TMEFF1: variants seen among roughly 807,000 people sequenced by gnomAD.
The protein encoded by TMEFF1 is transmembrane protein with EGF like and two follistatin like domains 1.
A neutral mutation model predicts 47.5 loss-of-function variants in TMEFF1; 20 were observed. The ratio of observed to expected loss-of-function variants is 0.42; its 90% CI spans 0.30 to 0.61. The LOEUF is 0.61. Among genes scored for constraint, TMEFF1 ranks in the 20% least tolerant of loss-of-function variants. TMEFF1 has a pLI of 0.19. For missense variants in TMEFF1, 411 were observed against 471.1 expected (o/e 0.87, Z 1.18); for synonymous variants, 162 against 166.3 (o/e 0.97, Z 0.20).
intron 1 of TMEFF1, among the ~76,000 whole-genome samples, chr9:100,497,262 A>G (rs1480220588): frequency 6.6e-6 from 1 of 151,398 alleles, no homozygotes. Flanking sequence ...TTTGTGAAAC[A>G]GTAAGAATAA....
At chr9:100,514,760 C>T (rs1313934280) in intron 4 of TMEFF1, among the ~76,000 whole-genome samples, 4 of 151,244 alleles carry the variant, frequency 2.6e-5, no homozygotes, top group African/African-American at 9.7e-5. Flanking sequence ...TTTGGGAGGC[C>T]GAGGCGGGCG....
chr9:100,493,375 G>A (rs1837592431), intron 1 of TMEFF1, among the ~76,000 whole-genome samples: 1 of 152,124 alleles, frequency 6.6e-6, no homozygotes, highest in Non-Finnish European at 1.5e-5. Flanking sequence ...CGGAAGGGTG[G>A]TAGAAAAGTC....
chr9:100,511,726 A>G lies in TMEFF1; in HGVS notation c.437-1581A>G, dbSNP rs538139011. Among the ~76,000 whole-genome samples the G allele has an allele frequency of 1.5e-4, 23 of 152,112 alleles. No homozygotes were observed. The South Asian group carries it at 4.4e-3, about 29-fold the overall frequency. ...GGGTGTATTTCTATACATATACCAT[A>G]TTGTATTTCATTCATCTGACATAAG... On this transcript the variant is annotated intron_variant, in intron 3 of 9. Transcript: ENST00000374879.
At chr9:100,498,948 A>C in intron 2 of TMEFF1, 74 bp downstream of exon 2, 1 of 1,497,560 alleles carries the variant, frequency 6.7e-7, no homozygotes, top group Admixed American at 2.1e-5. Flanking sequence ...TCAAATTAAA[A>C]AACCTAAAAC....
intron 5 of TMEFF1, among the ~76,000 whole-genome samples, chr9:100,533,927 C>A (rs1242016606): frequency 6.6e-6 from 1 of 152,114 alleles, no homozygotes; most frequent in Non-Finnish European, 1.5e-5. Context: ...CCATGTTGGC[C>A]AGGATGGTCT....
chr9:100,532,690 G>A (rs1220456741), intron 5 of TMEFF1, among the ~76,000 whole-genome samples: 1 of 151,576 alleles, frequency 6.6e-6, no homozygotes, highest in Non-Finnish European at 1.5e-5. Context: ...CGATTCCTCA[G>A]GGATCTAGAA....
chr9:100,528,521 C>T (rs1467364209), intron 5 of TMEFF1, among the ~76,000 whole-genome samples: 10 of 143,144 alleles, frequency 7.0e-5, no homozygotes, highest in East Asian at 4.0e-4. Flanking sequence ...TGAAATGAAG[C>T]GAGAAGGGAA....
chr9:100,554,102 C>A (rs961047886), intron 7 of TMEFF1, among the ~76,000 whole-genome samples: 2 of 152,152 alleles, frequency 1.3e-5, no homozygotes, highest in African/African-American at 4.8e-5. Flanking sequence ...ACCCCCACCC[C>A]ATCTTTGGTC....
intron 1 of TMEFF1, among the ~76,000 whole-genome samples, chr9:100,481,006 A>G (rs1370417460): frequency 6.6e-6 from 1 of 152,210 alleles, no homozygotes; most frequent in Non-Finnish European, 1.5e-5. Flanking sequence ...ACCTAGAAAC[A>G]ACAGACGCAC....
At chr9:100,501,211 T>A (rs2118328480) in intron 2 of TMEFF1, among the ~76,000 whole-genome samples, 1 of 152,332 alleles carries the variant, frequency 6.6e-6, no homozygotes, top group South Asian at 2.1e-4. Flanking sequence ...TTAGGTTAAA[T>A]TCCTTGAGGT....
intron 8 of TMEFF1, among the ~76,000 whole-genome samples, chr9:100,568,254 C>T (rs188657070): frequency 2.6e-5 from 4 of 152,294 alleles, no homozygotes; most frequent in East Asian, 1.9e-4. Flanking sequence ...TAAGCCAAAC[C>T]ATTAGAGAGC....
intron 2 of TMEFF1, among the ~76,000 whole-genome samples, chr9:100,508,598 G>A (rs1837906449): frequency 6.6e-6 from 1 of 151,098 alleles, no homozygotes; most frequent in African/African-American, 2.4e-5. Context: ...TTTACCTTGG[G>A]ACTTTGCCTA....
chr9:100,547,598 C>G, intron 5 of TMEFF1, 146 bp from the exon 6 acceptor site: 1 of 984,698 alleles, frequency 1.0e-6, no homozygotes, highest in Non-Finnish European at 1.3e-6. Context: ...TAGGTATTTA[C>G]TTTGCTTAAG....
rs150675367 is a variant in TMEFF1, at chr9:100,559,896, G to T, written c.776-1501G>T. ...TTTGAGGAAAAATAATATCATTTTG[G>T]TCTGATTTCTCTCTGCTTTAGTTCC... is the stretch of plus-strand genomic sequence containing the variant. On this transcript the variant is annotated intron_variant, in intron 7 of 9. Transcript: ENST00000374879. Among the ~76,000 whole-genome samples, 51 of 152,086 alleles carry T rather than the reference G, an allele frequency of 3.4e-4. No homozygotes were observed. The East Asian group carries it at 9.7e-3, about 29-fold the overall frequency.
intron 5 of TMEFF1, among the ~76,000 whole-genome samples, chr9:100,540,040 G>A (rs1838598730): frequency 6.6e-6 from 1 of 152,088 alleles, no homozygotes; most frequent in Admixed American, 6.5e-5. Flanking sequence ...CAAACCTCTA[G>A]CTAGACACAG....
intron 5 of TMEFF1, among the ~76,000 whole-genome samples, chr9:100,523,396 G>C (rs917788031): frequency 2.0e-5 from 3 of 152,186 alleles, no homozygotes; most frequent in African/African-American, 4.8e-5. Context: ...TAGACTGTGA[G>C]CTTCCTGAGG....
At chr9:100,544,656 A>C (rs567029748) in intron 5 of TMEFF1, among the ~76,000 whole-genome samples, 5 of 152,352 alleles carry the variant, frequency 3.3e-5, no homozygotes, top group Admixed American at 6.5e-5. Context: ...CCTTCTCACC[A>C]GTCACCCAAA....
chr9:100,502,870 C>T (rs1837792421), intron 2 of TMEFF1, among the ~76,000 whole-genome samples: 1 of 152,174 alleles, frequency 6.6e-6, no homozygotes, highest in Admixed American at 6.6e-5. Flanking sequence ...CCAGTGCTTA[C>T]TTGTGCTGGG....
At chr9:100,515,254 G>A (rs190820553) in intron 4 of TMEFF1, among the ~76,000 whole-genome samples, 2 of 152,220 alleles carry the variant, frequency 1.3e-5, no homozygotes, top group African/African-American at 4.8e-5. Context: ...GTTTGCCCCA[G>A]TTAATATACA....
Sources: allele counts gnomAD v4.1 joint callset (sites outside exome capture counted in the v4.1 genomes callset), GRCh38; gene constraint gnomAD v4.1.1; transcripts MANE v1.5; gene names NCBI Gene and HGNC (gene_info 2026-07-23, HGNC 2026-07-21).